GSE1: variants seen among roughly 807,000 people sequenced by gnomAD.
GSE1 encodes the protein Gse1 coiled-coil protein, also known as genetic suppressor element 1.
GSE1 carries 32 observed loss-of-function variants against 112.6 expected under a neutral mutation model. The observed-to-expected ratio is 0.28, with a 90% CI of 0.21 to 0.38. GSE1 has a LOEUF of 0.38. Among genes scored for constraint, GSE1 ranks in the 10% least tolerant of loss-of-function variants. GSE1 has a pLI of 1.00. For missense variants in GSE1, 2,348 were observed against 1,699.2 expected (o/e 1.38, Z -6.71); for synonymous variants, 1,115 against 735.6 (o/e 1.52, Z -8.35).
rs112948297 is a variant in GSE1, at chr16:85,484,149, A to T, written c.2464+126506A>T. On this transcript the variant is annotated intron_variant, in intron 2 of 2. Coordinates refer to the GSE1 transcript ENST00000637419. ...GTGCAGGAATATGCCCCTTCATAGA[A>T]CCGCAGTGAGGTTTTTCCATCCTAA... 4.0e-3 allele frequency among the ~76,000 whole-genome samples: 603 copies of T among 152,314 alleles called. 6 individuals are homozygous for T. The highest frequency in any genetic ancestry group is 0.014 in the African/African-American group (573 of 41,574).
At chr16:85,523,093 GTGT>G (rs1283151657) in intron 2 of GSE1, among the ~76,000 whole-genome samples, 5 of 151,892 alleles carry the variant, frequency 3.3e-5, no homozygotes, top group African/African-American at 1.2e-4. Flanking sequence ...TGGCCTGTGT[GTGT>G]TGTGTGCGTG....
chr16:85,507,145 C>T (rs529841808), intron 2 of GSE1, among the ~76,000 whole-genome samples: 13 of 152,196 alleles, frequency 8.5e-5, no homozygotes, highest in Admixed American at 3.3e-4. Flanking sequence ...CGACGCTCGC[C>T]GGCCCTGAAC....
chr16:85,674,309 A>G lies in GSE1; in HGVS notation c.*1770A>G, dbSNP rs1327280312. 1.3e-5 allele frequency: 2 copies of G among 152,244 alleles called. No individual in the cohort carries two copies. The highest frequency in any genetic ancestry group is 3.8e-4 in the East Asian group (2 of 5,198). The allele number at this position is 152,244 out of a possible 1,614,324, so 9.4% of individuals were successfully genotyped here. A position where few individuals can be genotyped will look rare whatever the true frequency, so the allele number is the denominator to read the frequency against. On this transcript the variant is annotated 3_prime_UTR_variant, in exon 16 of 16. Transcript: ENST00000253458. Reference sequence around the variant, plus strand: ...AGTTTGCTTTGTACGTCTGCCAAGAATCTTCCAGTTATTAGCAAACTCAGA... The same window carrying G: ...AGTTTGCTTTGTACGTCTGCCAAGAGTCTTCCAGTTATTAGCAAACTCAGA...
chr16:85,590,783 T>A (rs1265209052), intron 1 of GSE1, among the ~76,000 whole-genome samples: 1 of 152,208 alleles, frequency 6.6e-6, no homozygotes, highest in Non-Finnish European at 1.5e-5. Context: ...CCGGCCACGC[T>A]GCACCACCAT....
At chr16:85,256,206 C>CCG (rs961301785) in intron 1 of GSE1, among the ~76,000 whole-genome samples, 5 of 143,996 alleles carry the variant, frequency 3.5e-5, no homozygotes, top group African/African-American at 7.6e-5. Flanking sequence ...CGGACAGCAC[C>CCG]GGGGGGTGGA....
chr16:85,174,508 T>C (rs1484292549), intron 1 of GSE1, among the ~76,000 whole-genome samples: 1 of 152,196 alleles, frequency 6.6e-6, no homozygotes, highest in African/African-American at 2.4e-5. Context: ...AAATGCAGCC[T>C]TCTGGTCTTC....
At chr16:85,553,814 G>A (rs1332201587), upstream of GSE1, among the ~76,000 whole-genome samples, 2 of 152,202 alleles carry the variant, frequency 1.3e-5, no homozygotes, top group Non-Finnish European at 2.9e-5. Context: ...TTTGCCCTCC[G>A]TAGCTTTTCT....
intron 1 of GSE1, among the ~76,000 whole-genome samples, chr16:85,574,572 CAGGTCATTCCTTTCTGGGCCT>C (rs987319022): frequency 1.7e-4 from 26 of 152,262 alleles, no homozygotes; most frequent in Admixed American, 7.8e-4. Flanking sequence ...CACCCAAAGC[CAGGTCATTCCTTTCTGGGCCT>C]AGGTCATTCC....
At chr16:85,187,103 T>G (rs1442558467) in intron 1 of GSE1, among the ~76,000 whole-genome samples, 1 of 152,230 alleles carries the variant, frequency 6.6e-6, no homozygotes, top group African/African-American at 2.4e-5. Flanking sequence ...GTGCCTCTTG[T>G]TTCTGTCGCC....
chr16:85,239,374 A>ACC (rs1904988680), intron 1 of GSE1, among the ~76,000 whole-genome samples: 3 of 152,238 alleles, frequency 2.0e-5, no homozygotes, highest in African/African-American at 7.2e-5. Flanking sequence ...GAGGCAGGGC[A>ACC]TGTGAGCAAA....
intron 1 of GSE1, among the ~76,000 whole-genome samples, chr16:85,577,112 C>T (rs2046259942): frequency 6.6e-6 from 1 of 151,668 alleles, no homozygotes; most frequent in South Asian, 2.1e-4. Flanking sequence ...GGCACCCGGC[C>T]AGGGGCATCA....
rs374595447 is a variant in GSE1, at chr16:85,663,097, C to T, written c.2373+4C>T. Reference sequence around the variant, plus strand: ...CAAACTGGACACGTCCTCTGAGGTACTGGGCTCTCCTCCCCACGGACATGC... The same window carrying T: ...CAAACTGGACACGTCCTCTGAGGTATTGGGCTCTCCTCCCCACGGACATGC... On this transcript the variant is annotated splice_donor_region_variant and intron_variant, in intron 10 of 15. Transcript: ENST00000253458. 7.0e-6 allele frequency: 11 copies of T among 1,577,182 alleles called. No individual in the cohort carries two copies. Among genetic ancestry groups the T allele is most frequent in the Non-Finnish European group, 9.6e-6 (11 of 1,148,360 alleles).
chr16:85,384,275 G>A (rs2047635076), intron 2 of GSE1, among the ~76,000 whole-genome samples: 1 of 152,176 alleles, frequency 6.6e-6, no homozygotes, highest in African/African-American at 2.4e-5. Context: ...GCTCTGTGTG[G>A]GTGCGGCCGG....
intron 1 of GSE1, among the ~76,000 whole-genome samples, chr16:85,574,979 C>T (rs1456738793): frequency 2.6e-5 from 4 of 152,214 alleles, no homozygotes; most frequent in Admixed American, 6.5e-5. Context: ...CGGGCAGCCC[C>T]CTTGCCCTGC....
intron 8 of GSE1, among the ~76,000 whole-genome samples, chr16:85,659,902 TG>T (rs1274217385): frequency 6.6e-6 from 1 of 152,146 alleles, no homozygotes; most frequent in Non-Finnish European, 1.5e-5. Context: ...ACTTGGGCAG[TG>T]GGGTCGCTGC....
intron 1 of GSE1, among the ~76,000 whole-genome samples, chr16:85,332,121 C>A (rs2151520985): frequency 6.6e-6 from 1 of 152,162 alleles, no homozygotes; most frequent in South Asian, 2.1e-4. Context: ...GGGCAGGGGG[C>A]CCAGACTCCC....
intron 2 of GSE1, among the ~76,000 whole-genome samples, chr16:85,436,400 C>T (rs1030759708): frequency 4.6e-5 from 7 of 152,234 alleles, no homozygotes; most frequent in African/African-American, 9.6e-5. Context: ...CCCAGCATCC[C>T]GGCGTCTCTG....
chr16:85,595,997 CGCCCACCCATTCTCCCATCT>C (rs1411927613), intron 1 of GSE1, among the ~76,000 whole-genome samples: 1 of 144,342 alleles, frequency 6.9e-6, no homozygotes, highest in African/African-American at 2.6e-5. Flanking sequence ...TTCCTCCATC[CGCCCACCCATTCTCCCATCT>C]GCCCACCCAT....
intron 1 of GSE1, among the ~76,000 whole-genome samples, chr16:85,218,911 G>A (rs2075346461): frequency 6.6e-6 from 1 of 152,114 alleles, no homozygotes; most frequent in Non-Finnish European, 1.5e-5. Flanking sequence ...ACAGAGTCTG[G>A]CTCTGTGGCC....
Sources: allele counts gnomAD v4.1 joint callset (sites outside exome capture counted in the v4.1 genomes callset), GRCh38; gene constraint gnomAD v4.1.1; transcripts MANE v1.5; gene names NCBI Gene and HGNC (gene_info 2026-07-23, HGNC 2026-07-21).